The following IGSF11 variants were observed in gnomAD, a reference collection of about 807,000 sequenced individuals.
IGSF11 encodes the protein CXADR like 1.
A neutral mutation model predicts 41.0 loss-of-function variants in IGSF11; 22 were observed. That is an observed-to-expected ratio of 0.54 (90% confidence interval 0.38 to 0.77). IGSF11 has a LOEUF of 0.77. Among genes scored for constraint, IGSF11 ranks in the 30% least tolerant of loss-of-function variants. The probability of loss-of-function intolerance (pLI) is 0.00; values close to 1 mark genes in which losing one functional copy is unlikely to be tolerated. For synonymous variants in IGSF11, 219 were observed against 201.3 expected (o/e 1.09, Z -0.74); for missense variants, 444 against 530.8 (o/e 0.84, Z 1.61).
intron 1 of IGSF11, among the ~76,000 whole-genome samples, chr3:119,097,877 A>G (rs927399030): frequency 6.6e-6 from 1 of 151,060 alleles, no homozygotes; most frequent in Non-Finnish European, 1.5e-5. Context: ...TGCAGCTTCA[A>G]TCTCCCAGGT....
At chr3:119,056,739 C>T (rs753014280) in intron 1 of IGSF11, among the ~76,000 whole-genome samples, 4 of 152,140 alleles carry the variant, frequency 2.6e-5, no homozygotes, top group Non-Finnish European at 5.9e-5. Flanking sequence ...TACTGGCAAA[C>T]CGAATCCAGC....
intron 1 of IGSF11, among the ~76,000 whole-genome samples, chr3:118,952,509 C>T (rs1169520438): frequency 6.6e-6 from 1 of 152,140 alleles, no homozygotes; most frequent in Non-Finnish European, 1.5e-5. Context: ...TAGATTCCAT[C>T]TCAAGAAACC....
Position 119,127,181 on chromosome 3 carries a change from C to T in IGSF11, c.-14+18632G>A, listed in dbSNP as rs140282236. On this transcript the variant is annotated intron_variant, in intron 1 of 7. Coordinates refer to the IGSF11 transcript ENST00000425327. ...CTAGAATAGCCAGTTTAGAGAGGAA[C>T]ATAAATGACCTGATGGAGCTGCAAA... Among the ~76,000 whole-genome samples, 277 of 152,110 alleles carry T rather than the reference C, an allele frequency of 1.8e-3. 2 individuals carry two copies. The highest frequency in any genetic ancestry group is 6.1e-3 in the African/African-American group (252 of 41,480).
chr3:119,073,380 G>T (rs904407914), intron 1 of IGSF11, among the ~76,000 whole-genome samples: 1 of 152,222 alleles, frequency 6.6e-6, no homozygotes, highest in East Asian at 1.9e-4. Context: ...CTGCCTGCCA[G>T]TCCTGGGCCG....
intron 1 of IGSF11, among the ~76,000 whole-genome samples, chr3:119,110,664 T>G: frequency 6.6e-6 from 1 of 152,242 alleles, no homozygotes. Flanking sequence ...GCTCATTAGT[T>G]GATGCAGTTT....
intron 1 of IGSF11, among the ~76,000 whole-genome samples, chr3:119,098,961 A>G (rs1315671299): frequency 1.3e-5 from 2 of 152,212 alleles, no homozygotes; most frequent in Non-Finnish European, 2.9e-5. Flanking sequence ...CAGGTAACAA[A>G]TTCTTTGCAT....
chr3:118,974,174 T>C (rs1347529890), intron 1 of IGSF11, among the ~76,000 whole-genome samples: 2 of 150,718 alleles, frequency 1.3e-5, no homozygotes, highest in African/African-American at 4.9e-5. Flanking sequence ...GGAGATAAAG[T>C]GGGTTGGTCT....
intron 1 of IGSF11, among the ~76,000 whole-genome samples, chr3:118,948,622 G>T (rs912579348): frequency 6.6e-6 from 1 of 152,164 alleles, no homozygotes; most frequent in Non-Finnish European, 1.5e-5. Flanking sequence ...TGGCTCAAAC[G>T]CAGGGAATTT....
intron 1 of IGSF11, among the ~76,000 whole-genome samples, chr3:119,112,304 G>T (rs976927153): frequency 6.6e-6 from 1 of 152,124 alleles, no homozygotes; most frequent in Non-Finnish European, 1.5e-5. Flanking sequence ...AATGGTGGGC[G>T]CCCCTCCCCC....
intron 1 of IGSF11, among the ~76,000 whole-genome samples, chr3:119,004,349 CTCTT>C (rs55722270): frequency 0.31 from 46,096 of 146,454 alleles, 6,870 homozygotes; most frequent in African/African-American, 0.48. Flanking sequence ...TGATTCTTCT[CTCTT>C]TTTTTCTTTA....
chr3:119,041,775 A>T (rs1164063395), intron 1 of IGSF11, among the ~76,000 whole-genome samples: 3 of 152,212 alleles, frequency 2.0e-5, no homozygotes, highest in Non-Finnish European at 4.4e-5. Context: ...ATAGTCCTGT[A>T]CAATTAAGGT....
intron 1 of IGSF11, among the ~76,000 whole-genome samples, chr3:118,992,514 A>G (rs994869322): frequency 9.8e-5 from 15 of 152,348 alleles, no homozygotes; most frequent in East Asian, 5.8e-4. Flanking sequence ...ATTCTTGCAA[A>G]TATCTCTTCA....
chr3:119,132,123 C>T (rs1317775587), intron 1 of IGSF11, among the ~76,000 whole-genome samples: 3 of 151,996 alleles, frequency 2.0e-5, no homozygotes, highest in South Asian at 2.1e-4. Context: ...ACCATCGATG[C>T]TATAAAGAAA....
intron 1 of IGSF11, among the ~76,000 whole-genome samples, chr3:119,095,069 T>G (rs2076828173): frequency 6.6e-6 from 1 of 152,104 alleles, no homozygotes; most frequent in Admixed American, 6.5e-5. Flanking sequence ...TCAGGAAAAG[T>G]AATTTCACAT....
At chr3:118,937,339 A>G (rs1016494205) in intron 1 of IGSF11, among the ~76,000 whole-genome samples, 1 of 152,216 alleles carries the variant, frequency 6.6e-6, no homozygotes, top group Admixed American at 6.5e-5. Context: ...AAAATTGTAC[A>G]CTATCCTCCT....
At chr3:119,063,537 C>A (rs1207052011) in intron 1 of IGSF11, among the ~76,000 whole-genome samples, 1 of 152,106 alleles carries the variant, frequency 6.6e-6, no homozygotes, top group Non-Finnish European at 1.5e-5. Flanking sequence ...AAATGTCATT[C>A]TTCTGCTTTG....
At chr3:118,980,588 C>T (rs1376634400) in intron 1 of IGSF11, among the ~76,000 whole-genome samples, 3 of 152,094 alleles carry the variant, frequency 2.0e-5, no homozygotes, top group Non-Finnish European at 4.4e-5. Context: ...CCATTAGATA[C>T]AAGGAATATG....
At chr3:119,136,367 C>T (rs1420683439) in intron 1 of IGSF11, among the ~76,000 whole-genome samples, 1 of 152,028 alleles carries the variant, frequency 6.6e-6, no homozygotes, top group Non-Finnish European at 1.5e-5. Flanking sequence ...ATAAAAAAGA[C>T]ATACAGTGGC....
At chr3:118,985,325 C>T (rs1451370168) in intron 1 of IGSF11, among the ~76,000 whole-genome samples, 1 of 152,182 alleles carries the variant, frequency 6.6e-6, no homozygotes, top group African/African-American at 2.4e-5. Flanking sequence ...GGGGAATCTA[C>T]TGGATATTTT....
Sources: gnomAD v4.1 joint callset for allele counts (sites outside exome capture counted in the v4.1 genomes callset) on GRCh38, gnomAD v4.1.1 for gene constraint, MANE v1.5 for transcripts, NCBI Gene and HGNC (gene_info 2026-07-23, HGNC 2026-07-21) for gene names.